ROR1: variants seen among roughly 807,000 people sequenced by gnomAD.
ROR1 encodes inactive tyrosine-protein kinase transmembrane receptor ROR1.
A neutral mutation model predicts 78.8 loss-of-function variants in ROR1; 19 were observed. That is an observed-to-expected ratio of 0.24 (90% CI 0.17 to 0.35). The LOEUF is 0.35. Among genes scored for constraint, ROR1 ranks in the 10% least tolerant of loss-of-function variants. The pLI is 1.00. For synonymous variants in ROR1, 386 were observed against 433.6 expected, an observed-to-expected ratio of 0.89 and a Z score of 1.36; for missense variants, 917 against 1,177.8, an observed-to-expected ratio of 0.78 and a Z score of 3.24.
intron 1 of ROR1, among the ~76,000 whole-genome samples, chr1:63,806,055 CAT>C (rs1644826526): frequency 6.6e-6 from 1 of 152,166 alleles, no homozygotes; most frequent in South Asian, 2.1e-4. Flanking sequence ...CTGTATAAGA[CAT>C]ATTTTATTGC....
intron 1 of ROR1, among the ~76,000 whole-genome samples, chr1:63,839,214 C>G (rs908052002): frequency 1.1e-4 from 16 of 152,240 alleles, no homozygotes; most frequent in African/African-American, 3.9e-4. Context: ...TAACATTTAC[C>G]TTAAAGAAAT....
chr1:63,815,478 C>CTTTTTTTTTTTTTTT lies in ROR1; in HGVS notation c.91+40975_91+40976insTTTTTTTTTTTTTTT, dbSNP rs1446331528. ...TTTTCTTTTTCTTTTCTTTTCTTTTCTTTTTCTTTTTTTTTTTTTTTTGAG... is the reference window on the plus strand; with the variant it reads ...TTTTCTTTTTCTTTTCTTTTCTTTTCTTTTTTTTTTTTTTTTTTTTCTTTTTTTTTTTTTTTTGAG... On this transcript the variant is annotated intron_variant, in intron 1 of 8. Transcript: ENST00000371079. 2.5e-3 allele frequency among the ~76,000 whole-genome samples: 257 copies of CTTTTTTTTTTTTTTT among 103,360 alleles called. 9 individuals carry two copies. Among genetic ancestry groups the CTTTTTTTTTTTTTTT allele is most frequent in the African/African-American group, 8.3e-3 (157 of 18,992 alleles). The allele number at this position is 103,360 out of a possible 152,430, so 67.8% of individuals were successfully genotyped here. A position where few individuals can be genotyped will look rare whatever the true frequency, so the allele number is the denominator to read the frequency against.
chr1:63,874,122 A>T (rs1376994345), intron 1 of ROR1, among the ~76,000 whole-genome samples: 1 of 152,176 alleles, frequency 6.6e-6, no homozygotes, highest in Admixed American at 6.6e-5. Context: ...TTATTGAGAT[A>T]TGTTCATGAA....
intron 2 of ROR1, among the ~76,000 whole-genome samples, chr1:64,010,126 C>A (rs1026652957): frequency 3.1e-4 from 47 of 152,260 alleles, no homozygotes; most frequent in African/African-American, 1.1e-3. Flanking sequence ...TTTGCCAATA[C>A]TCATTCTCCC....
At chr1:63,891,014 A>T (rs969176939) in intron 1 of ROR1, among the ~76,000 whole-genome samples, 2 of 152,190 alleles carry the variant, frequency 1.3e-5, no homozygotes, top group Non-Finnish European at 2.9e-5. Context: ...CCTGGTGTTC[A>T]TCATGACCCT....
chr1:63,843,168 C>A, intron 1 of ROR1: 1 of 1,085,274 alleles, frequency 9.2e-7, no homozygotes, highest in East Asian at 2.6e-5. Flanking sequence ...GCCAGATGCT[C>A]CAGGCAGGTG....
At chr1:63,949,774 G>A (rs765425629) in intron 1 of ROR1, among the ~76,000 whole-genome samples, 96 of 152,114 alleles carry the variant, frequency 6.3e-4, no homozygotes, top group Non-Finnish European at 1.3e-3. Flanking sequence ...GGGGTAGCCC[G>A]GGAACTTGAG....
chr1:64,124,907 A>G (rs1397857644), intron 4 of ROR1, among the ~76,000 whole-genome samples: 3 of 152,250 alleles, frequency 2.0e-5, no homozygotes, highest in Non-Finnish European at 2.9e-5. Context: ...TCTGCCAAGA[A>G]AGCTCCAAAT....
chr1:63,899,027 C>T (rs535452903), intron 1 of ROR1, among the ~76,000 whole-genome samples: 2 of 152,124 alleles, frequency 1.3e-5, no homozygotes, highest in South Asian at 2.1e-4. Flanking sequence ...CAAGAAGCAC[C>T]GGGACGGGCA....
At chr1:63,922,450 A>C (rs1645663869) in intron 1 of ROR1, among the ~76,000 whole-genome samples, 1 of 152,320 alleles carries the variant, frequency 6.6e-6, no homozygotes, top group Non-Finnish European at 1.5e-5. Flanking sequence ...TCTGGTTAAC[A>C]GTTCACTTTG....
At chr1:63,986,419 G>A (rs1311123569) in intron 1 of ROR1, among the ~76,000 whole-genome samples, 1 of 152,150 alleles carries the variant, frequency 6.6e-6, no homozygotes, top group Non-Finnish European at 1.5e-5. Context: ...ATGAAAATGG[G>A]CATCCCAAGA....
At chr1:63,818,548 G>T (rs1020449669) in intron 1 of ROR1, among the ~76,000 whole-genome samples, 8 of 152,132 alleles carry the variant, frequency 5.3e-5, no homozygotes, top group African/African-American at 1.7e-4. Flanking sequence ...TTGATTGATG[G>T]CAATGGCCTG....
At chr1:64,130,767 T>C (rs1282965753) in intron 4 of ROR1, among the ~76,000 whole-genome samples, 2 of 152,236 alleles carry the variant, frequency 1.3e-5, no homozygotes, top group Non-Finnish European at 2.9e-5. Context: ...ATTGGAATAA[T>C]TCTGCATCTT....
At chr1:64,072,436 TAAC>T (rs1557638234) in intron 4 of ROR1, among the ~76,000 whole-genome samples, 2 of 152,150 alleles carry the variant, frequency 1.3e-5, no homozygotes, top group Non-Finnish European at 2.9e-5. Flanking sequence ...ACGGTGGAAT[TAAC>T]AAAGTGCCTT....
chr1:64,178,996 C>T lies in ROR1; in HGVS notation c.*141C>T. On this transcript the variant is annotated 3_prime_UTR_variant, in exon 9 of 9. Transcript: ENST00000371079. The surrounding 1 kb of genome is among the most constrained non-coding windows in gnomAD (Gnocchi z 4.3). ...TACCTTCTGTGAAGTTTCACTGTGTCTTACCAAGCAGGACAGACACTCGGC... is the reference window on the plus strand; with the variant it reads ...TACCTTCTGTGAAGTTTCACTGTGTTTTACCAAGCAGGACAGACACTCGGC... 2.5e-6 allele frequency: 1 copy of T among 398,726 alleles called. No individual in the cohort carries two copies. The allele number at this position is 398,726 out of a possible 1,614,324, so 24.7% of individuals were successfully genotyped here.
intron 1 of ROR1, among the ~76,000 whole-genome samples, chr1:63,932,859 C>T (rs999908574): frequency 6.6e-6 from 1 of 152,092 alleles, no homozygotes; most frequent in Non-Finnish European, 1.5e-5. Context: ...TTACCTGGAG[C>T]TTGAAGACTG....
intron 1 of ROR1, among the ~76,000 whole-genome samples, chr1:63,937,981 A>G (rs1021180759): frequency 6.6e-6 from 1 of 152,114 alleles, no homozygotes. Context: ...GATTCTCCCT[A>G]GCCCTCCTTC....
chr1:64,073,951 G>C (rs994814529), intron 4 of ROR1, among the ~76,000 whole-genome samples: 5 of 152,238 alleles, frequency 3.3e-5, no homozygotes, highest in African/African-American at 9.6e-5. Flanking sequence ...TAAGACCTCT[G>C]TTGCTGCTTG....
intron 4 of ROR1, among the ~76,000 whole-genome samples, chr1:64,056,114 T>C (rs145211135): frequency 1.3e-4 from 20 of 152,306 alleles, no homozygotes; most frequent in African/African-American, 4.3e-4. Flanking sequence ...TACTTTTTGC[T>C]TATTCTGAAT....
Sources: gnomAD v4.1 joint callset for allele counts (sites outside exome capture counted in the v4.1 genomes callset) on GRCh38, gnomAD v4.1.1 for gene constraint, Gnocchi (gnomAD v3.1) non-coding constraint, MANE v1.5 for transcripts, NCBI Gene and HGNC (gene_info 2026-07-23, HGNC 2026-07-21) for gene names.